The following ALG14 variants were observed in gnomAD, a reference collection of about 807,000 sequenced individuals.
The protein encoded by ALG14 is UDP-N-acetylglucosamine transferase subunit ALG14.
In ALG14, 17 loss-of-function variants were observed where a neutral mutation model predicts 22.8. That is an observed-to-expected ratio of 0.75 (90% CI 0.51 to 1.12). ALG14 has a LOEUF of 1.12. Ranked by LOEUF, ALG14 falls within the 50% of genes most tolerant of loss-of-function variation. The pLI, the probability that ALG14 is intolerant of heterozygous loss-of-function variation, is 0.00. For missense variants in ALG14, 288 were observed against 271.8 expected (o/e 1.06, Z -0.42); for synonymous variants, 89 against 103.7 (o/e 0.86, Z 0.86).
At chr1:94,990,487 G>A (rs1672744660) in intron 3 of ALG14, among the ~76,000 whole-genome samples, 1 of 152,140 alleles carries the variant, frequency 6.6e-6, no homozygotes, top group Non-Finnish European at 1.5e-5. Flanking sequence ...ATGAACCCAA[G>A]GTCTCTTACA....
At chr1:95,044,777 A>G (rs141399213) in intron 2 of ALG14, among the ~76,000 whole-genome samples, 1 of 152,170 alleles carries the variant, frequency 6.6e-6, no homozygotes, top group East Asian at 1.9e-4. Context: ...GATGGCAGAC[A>G]TTTTTTTGTG....
intron 2 of ALG14, among the ~76,000 whole-genome samples, chr1:95,047,501 G>A (rs1674601715): frequency 6.6e-6 from 1 of 151,898 alleles, no homozygotes; most frequent in Non-Finnish European, 1.5e-5. Context: ...CCACCACCAC[G>A]CCCAGCTAAT....
intron 3 of ALG14, among the ~76,000 whole-genome samples, chr1:95,020,908 C>G (rs1376243080): frequency 2.0e-5 from 3 of 152,132 alleles, no homozygotes; most frequent in Non-Finnish European, 4.4e-5. Context: ...GAATTGTACA[C>G]TGTAAAATGG....
chr1:94,978,935 T>A lies in ALG14; in HGVS notation c.*4141A>T, dbSNP rs112532463. ...TTCAAATCTGAGCTTTGTCACTTTCTAGTTCTATAATCTTTAATAAATTAC... is the reference window on the plus strand; with the variant it reads ...TTCAAATCTGAGCTTTGTCACTTTCAAGTTCTATAATCTTTAATAAATTAC... On this transcript the variant is annotated 3_prime_UTR_variant, in exon 4 of 4. Coordinates refer to ENST00000370205, the MANE Select transcript of ALG14 (RefSeq NM_144988.4). 85 of 152,098 alleles carry A rather than the reference T, an allele frequency of 5.6e-4. No individual in the cohort carries two copies. The highest frequency in any genetic ancestry group is 2.0e-3 in the African/African-American group (81 of 41,490). 9.4% of individuals were successfully genotyped at this position (152,098 alleles called of 1,614,324 possible).
chr1:95,024,281 A>C (rs904767337), intron 3 of ALG14, among the ~76,000 whole-genome samples: 2 of 152,120 alleles, frequency 1.3e-5, no homozygotes, highest in Admixed American at 6.5e-5. Flanking sequence ...CCGGCCTTTT[A>C]AATAGGGTCT....
At chr1:95,069,926 C>G (rs1467042268) in intron 1 of ALG14, among the ~76,000 whole-genome samples, 1 of 152,166 alleles carries the variant, frequency 6.6e-6, no homozygotes, top group East Asian at 1.9e-4. Flanking sequence ...AGCTGGGGAG[C>G]TGGGCGAGGT....
At chr1:95,062,276 T>C (rs543226941) in intron 2 of ALG14, 1 of 152,272 alleles carries the variant, frequency 6.6e-6, no homozygotes, top group African/African-American at 2.4e-5. Flanking sequence ...ATGCAAAAAA[T>C]TAAGCAACCA....
intron 2 of ALG14, among the ~76,000 whole-genome samples, chr1:95,035,315 A>G (rs1674148605): frequency 6.6e-6 from 1 of 152,218 alleles, no homozygotes; most frequent in Admixed American, 6.5e-5. Context: ...TATTGGCCAA[A>G]GAAGTAAGAC....
Position 95,058,284 on chromosome 1 carries a change from GAAAAAAAAAAAAA to G in ALG14, c.288+6569_288+6581del, listed in dbSNP as rs56748968. Among the ~76,000 whole-genome samples, 54 of 20,516 alleles carry G rather than the reference GAAAAAAAAAAAAA, an allele frequency of 2.6e-3. 1 individual carries two copies. Among genetic ancestry groups the G allele is most frequent in the African/African-American group, 7.2e-3 (50 of 6,938 alleles). The allele number at this position is 20,516 out of a possible 152,430, so 13.5% of individuals were successfully genotyped here. A position where few individuals can be genotyped will look rare whatever the true frequency, so the allele number is the denominator to read the frequency against. The stretch of plus-strand genomic sequence containing the variant: ...CTGGCAACAAAGCGAGACTCCATCT[GAAAAAAAAAAAAA>G]AAAAAAAAAAAAAAAAGATATTTTC... On this transcript the variant is annotated intron_variant, in intron 2 of 3. Coordinates refer to ENST00000370205, the MANE Select transcript of ALG14 (RefSeq NM_144988.4).
intron 2 of ALG14, among the ~76,000 whole-genome samples, chr1:95,062,764 G>C (rs1327073367): frequency 2.0e-5 from 3 of 152,164 alleles, no homozygotes; most frequent in Non-Finnish European, 4.4e-5. Flanking sequence ...GAACATATGT[G>C]TGCATGTATC....
At chr1:94,987,214 A>G (rs922266453) in intron 3 of ALG14, among the ~76,000 whole-genome samples, 5 of 152,180 alleles carry the variant, frequency 3.3e-5, no homozygotes, top group Non-Finnish European at 7.3e-5. Context: ...CCTGAAGGAA[A>G]CCAGACCTGT....
chr1:95,068,090 C>G (rs186385450), intron 1 of ALG14, among the ~76,000 whole-genome samples: 1 of 152,174 alleles, frequency 6.6e-6, no homozygotes, highest in Non-Finnish European at 1.5e-5. Context: ...TCCCTCTATC[C>G]ATGCCTCACT....
In ALG14 at chr1:94,980,990, A is replaced by G. The variant is rs1008388083; in HGVS notation, c.*2086T>C. 2.0e-5 allele frequency: 3 copies of G among 152,150 alleles called. No homozygotes were observed. The highest frequency in any genetic ancestry group is 7.2e-5 in the African/African-American group (3 of 41,430). 9.4% of individuals were successfully genotyped at this position (152,150 alleles called of 1,614,324 possible). Reference sequence around the variant, plus strand: ...ACCTGACAGAAGCCTCTGCAGCAGGATTACCTGTGGGGGCCCAGGGAAGCT... The same window carrying G: ...ACCTGACAGAAGCCTCTGCAGCAGGGTTACCTGTGGGGGCCCAGGGAAGCT... On this transcript the variant is annotated 3_prime_UTR_variant, in exon 4 of 4. Transcript: ENST00000370205.
chr1:95,069,712 T>A (rs1675496850), intron 1 of ALG14, among the ~76,000 whole-genome samples: 1 of 152,114 alleles, frequency 6.6e-6, no homozygotes, highest in South Asian at 2.1e-4. Context: ...GAAGCAAAAA[T>A]TTTTCTCTGG....
chr1:95,051,254 C>T (rs925797975), intron 2 of ALG14, among the ~76,000 whole-genome samples: 3 of 152,184 alleles, frequency 2.0e-5, no homozygotes, highest in Non-Finnish European at 4.4e-5. Context: ...CTCCATTCTT[C>T]CAGTGGCTCA....
intron 2 of ALG14, among the ~76,000 whole-genome samples, chr1:95,057,921 G>A (rs75564660): frequency 0.046 from 6,971 of 151,828 alleles, 212 homozygotes; most frequent in South Asian, 0.083. Flanking sequence ...CACTCTGAGA[G>A]GAAAAAATTA....
At chr1:95,022,002 C>T (rs1464914979) in intron 3 of ALG14, among the ~76,000 whole-genome samples, 1 of 152,184 alleles carries the variant, frequency 6.6e-6, no homozygotes, top group African/African-American at 2.4e-5. Context: ...TGGGCTGGAA[C>T]AGTGACAACT....
intron 1 of ALG14, among the ~76,000 whole-genome samples, chr1:95,066,815 C>G (rs970010277): frequency 5.3e-5 from 8 of 151,938 alleles, no homozygotes; most frequent in Non-Finnish European, 5.9e-5. Context: ...AGGAGAATCA[C>G]CTGAGACTGC....
At chr1:95,051,567 GA>G (rs1674751317) in intron 2 of ALG14, among the ~76,000 whole-genome samples, 1 of 152,000 alleles carries the variant, frequency 6.6e-6, no homozygotes, top group South Asian at 2.1e-4. Context: ...TCACTCACTG[GA>G]AAAAGCCATC....
Sources: allele counts gnomAD v4.1 joint callset (sites outside exome capture counted in the v4.1 genomes callset), GRCh38; gene constraint gnomAD v4.1.1; transcripts MANE v1.5; gene names NCBI Gene and HGNC (gene_info 2026-07-23, HGNC 2026-07-21).